The following SLC24A2 variants were observed in gnomAD, a reference collection of about 807,000 sequenced individuals.
The protein encoded by SLC24A2 is sodium/potassium/calcium exchanger 2.
A neutral mutation model predicts 62.0 loss-of-function variants in SLC24A2; 36 were observed. The observed-to-expected ratio is 0.58, with a 90% CI of 0.44 to 0.77. The LOEUF is 0.77. Ranked by LOEUF, SLC24A2 falls within the 30% of genes least tolerant of loss-of-function variation. The pLI is 0.00. For synonymous variants in SLC24A2, 358 were observed against 294.0 expected (o/e 1.22, Z -2.23); for missense variants, 846 against 817.9 (o/e 1.03, Z -0.42).
At chr9:20,162,712 A>G in the SLC24A2 span, among the ~76,000 whole-genome samples, 1 of 152,116 alleles carries the variant, frequency 6.6e-6, no homozygotes, top group African/African-American at 2.4e-5. Context: ...CTTGATGAAC[A>G]TTGATGCAAA....
At chr9:20,129,928 TACACACAC>T in the SLC24A2 span, among the ~76,000 whole-genome samples, 42 of 141,906 alleles carry the variant, frequency 3.0e-4, no homozygotes, top group Non-Finnish European at 4.0e-4. Flanking sequence ...TATAATTTAC[TACACACAC>T]ACACACACAC....
the SLC24A2 span, among the ~76,000 whole-genome samples, chr9:20,257,310 G>A: frequency 9.2e-5 from 14 of 151,676 alleles, no homozygotes; most frequent in Non-Finnish European, 1.9e-4. Flanking sequence ...CAAAAAACAA[G>A]AGAAACACTC....
chr9:19,844,242 A>T, the SLC24A2 span, among the ~76,000 whole-genome samples: 1 of 151,934 alleles, frequency 6.6e-6, no homozygotes, highest in Admixed American at 6.6e-5. Flanking sequence ...ATGGTATCTC[A>T]TTTGATTTGC....
the SLC24A2 span, among the ~76,000 whole-genome samples, chr9:19,939,217 AC>A: frequency 6.6e-6 from 1 of 152,242 alleles, no homozygotes; most frequent in Non-Finnish European, 1.5e-5. Context: ...AAACCTGAGA[AC>A]AAAGCAGTTA....
the SLC24A2 span, among the ~76,000 whole-genome samples, chr9:19,903,005 G>C: frequency 1.3e-5 from 2 of 151,124 alleles, no homozygotes; most frequent in Non-Finnish European, 1.5e-5. Context: ...GAGTCACTGA[G>C]TATCAAAGTC....
At chr9:19,871,726 A>G in the SLC24A2 span, among the ~76,000 whole-genome samples, 1 of 152,136 alleles carries the variant, frequency 6.6e-6, no homozygotes, top group African/African-American at 2.4e-5. Context: ...TTTTATTATT[A>G]TTTATCTATA....
intron 9 of SLC24A2, among the ~76,000 whole-genome samples, chr9:19,525,477 C>G (rs775919763): frequency 1.6e-3 from 220 of 134,398 alleles, no homozygotes; most frequent in Non-Finnish European, 2.3e-3. Context: ...GATCTTGGCT[C>G]ATTGCAGCCT....
chr9:19,843,509 T>C, the SLC24A2 span, among the ~76,000 whole-genome samples: 8 of 152,164 alleles, frequency 5.3e-5, no homozygotes, highest in African/African-American at 1.9e-4. Context: ...CGAAACTCCA[T>C]ATAAAAAAAT....
the SLC24A2 span, among the ~76,000 whole-genome samples, chr9:20,129,130 C>G: frequency 5.3e-5 from 8 of 152,022 alleles, no homozygotes; most frequent in Non-Finnish European, 1.2e-4. Context: ...GGGCAAAGGA[C>G]ATGAGTAGAC....
the SLC24A2 span, among the ~76,000 whole-genome samples, chr9:20,216,525 CAAAAT>C: frequency 3.3e-5 from 5 of 152,006 alleles, no homozygotes; most frequent in African/African-American, 4.8e-5. Context: ...GTTAAAGTGT[CAAAAT>C]AAAAAGGAGT....
At chr9:19,935,251 G>A in the SLC24A2 span, among the ~76,000 whole-genome samples, 2 of 151,648 alleles carry the variant, frequency 1.3e-5, no homozygotes, top group African/African-American at 4.8e-5. Context: ...TTAAAGACAG[G>A]GGGGTTCTAG....
At chr9:19,789,050 G>T, upstream of SLC24A2, 1 of 690,730 alleles carries the variant, frequency 1.4e-6, no homozygotes, top group Non-Finnish European at 1.8e-6. Flanking sequence ...GCCGCTGTGA[G>T]CCCGGCGCTC....
chr9:19,932,495 T>C, the SLC24A2 span, among the ~76,000 whole-genome samples: 1 of 152,244 alleles, frequency 6.6e-6, no homozygotes, highest in Non-Finnish European at 1.5e-5. Context: ...AAATATCTAT[T>C]AAAATGACAT....
the SLC24A2 span, among the ~76,000 whole-genome samples, chr9:20,286,930 G>GTAGTGC: frequency 6.6e-6 from 1 of 152,138 alleles, no homozygotes; most frequent in Admixed American, 6.5e-5. Flanking sequence ...AGAATGTTAT[G>GTAGTGC]ATTATAAGGA....
chr9:19,886,071 G>A, the SLC24A2 span, among the ~76,000 whole-genome samples: 3 of 152,054 alleles, frequency 2.0e-5, no homozygotes, highest in African/African-American at 2.4e-5. Flanking sequence ...GTGTGCATGT[G>A]TCATTATGGT....
chr9:19,615,688 C>T (rs1290866172), intron 4 of SLC24A2, among the ~76,000 whole-genome samples: 1 of 152,166 alleles, frequency 6.6e-6, no homozygotes, highest in Non-Finnish European at 1.5e-5. Context: ...CCACATCTTT[C>T]AGGGAGAGGT....
the SLC24A2 span, among the ~76,000 whole-genome samples, chr9:19,904,837 T>A: frequency 9.2e-5 from 14 of 152,200 alleles, no homozygotes; most frequent in Non-Finnish European, 1.9e-4. Flanking sequence ...TTTGCTTTTT[T>A]CTGCCCTGGG....
chr9:20,098,311 A>G, the SLC24A2 span, among the ~76,000 whole-genome samples: 1 of 152,202 alleles, frequency 6.6e-6, no homozygotes, highest in Non-Finnish European at 1.5e-5. Flanking sequence ...GGAATCCATA[A>G]TAAGATGAGT....
intron 7 of SLC24A2, among the ~76,000 whole-genome samples, chr9:19,556,335 G>A (rs1835085790): frequency 6.6e-6 from 1 of 152,170 alleles, no homozygotes; most frequent in Non-Finnish European, 1.5e-5. Context: ...TTCAGAGGTT[G>A]CCTCAGAAGC....
Sources: gnomAD v4.1 joint callset for allele counts (sites outside exome capture counted in the v4.1 genomes callset) on GRCh38, gnomAD v4.1.1 for gene constraint, MANE v1.5 for transcripts, NCBI Gene and HGNC (gene_info 2026-07-23, HGNC 2026-07-21) for gene names.